ADGRG4: variants seen among roughly 807,000 people sequenced by gnomAD.
ADGRG4 encodes the protein G protein-coupled receptor 112.
A neutral mutation model predicts 126.2 loss-of-function variants in ADGRG4; 122 were observed. The observed-to-expected ratio is 0.97, with a 90% CI of 0.83 to 1.12. ADGRG4 has a LOEUF of 1.12. Among genes scored for constraint, ADGRG4 ranks in the 50% most tolerant of loss-of-function variants. The pLI, the probability that ADGRG4 is intolerant of heterozygous loss-of-function variation, is 0.00. For synonymous variants in ADGRG4, 943 were observed against 838.7 expected (o/e 1.12, Z -2.15); for missense variants, 2,481 against 2,251.8 (o/e 1.10, Z -2.06).
At chrX:136,324,840 G>A (rs1024016129) in intron 5 of ADGRG4, among the ~76,000 whole-genome samples, 12 of 111,650 alleles carry the variant, frequency 1.1e-4, no homozygotes, top group East Asian at 5.6e-4. Context: ...TTACTAAGGC[G>A]TCCCTCTTCC....
At position 136,346,599 on chromosome X, in the gene ADGRG4, C is replaced by T; in HGVS notation, c.2893C>T (p.Pro965Ser). 3 of 1,209,796 alleles carry T rather than the reference C, an allele frequency of 2.5e-6. No homozygotes were observed. Among genetic ancestry groups the T allele is most frequent in the Non-Finnish European group, 2.2e-6 (2 of 894,099 alleles). Residue 965 changes from proline to serine, a missense_variant, in exon 6 of 26, where the codon CCC becomes TCC. By Grantham distance (74) the Pro-to-Ser change is moderately conservative (BLOSUM62 -1). Coordinates refer to ENST00000394143, the MANE Select transcript of ADGRG4 (RefSeq NM_153834.4). ...TSGSTHIFGE[P>S]LGASTTRISE... ...TGGGAGCACACATATATTCGGTGAA[C>T]CCCTGGGTGCTTCTACCACAAGGAT...
chrX:136,344,577 T>A lies in ADGRG4; in HGVS notation c.871T>A (p.Ser291Thr). The A allele has an allele frequency of 1.7e-6, 2 of 1,203,910 alleles. No homozygotes were observed. Among genetic ancestry groups the A allele is most frequent in the Non-Finnish European group, 2.2e-6 (2 of 889,312 alleles). Residue 291 changes from serine to threonine, a missense_variant, in exon 6 of 26, where the codon TCT (serine) becomes ACT (threonine). Physicochemically the swap from Ser to Thr is moderately conservative, Grantham distance 58. Transcript: ENST00000394143. ...AACCATATCATATTCCAATACAACA[T>A]CTCCACCTCTGGAAACAATGACTGC... ...YTTISYSNTT[S>T]PPLETMTAQK...
At chrX:136,413,532 C>G (rs1175604193) in intron 24 of ADGRG4, among the ~76,000 whole-genome samples, 1 of 110,945 alleles carries the variant, frequency 9.0e-6, no homozygotes, top group African/African-American at 3.3e-5. Context: ...ACAAACAACC[C>G]CATTCCCCAC....
rs1344683248 is a variant in ADGRG4, at chrX:136,349,538, A to T, written c.5832A>T (p.Gly1944=). Residue 1944 remains glycine (G), a synonymous_variant, in exon 6 of 26, where the codon GGA becomes GGT. Transcript: ENST00000394143. ...CAATGTCATCAATTCCTATGTCAGG[A>T]ATTCTTCCTAACCATGGGCTTTCTG... ...VMAMSSIPMS[G]ILPNHGLSEN... 1.9e-5 allele frequency: 23 copies of T among 1,208,793 alleles called. No individual in the cohort carries two copies. The highest frequency in any genetic ancestry group is 2.5e-5 in the Non-Finnish European group (22 of 893,190).
intron 16 of ADGRG4, among the ~76,000 whole-genome samples, chrX:136,390,321 G>A (rs1431206469): frequency 9.0e-6 from 1 of 111,580 alleles, no homozygotes; most frequent in Non-Finnish European, 1.9e-5. Context: ...CAAAGCGTTA[G>A]GTTTACAGGC....
At position 136,349,525 on chromosome X, in the gene ADGRG4, T is replaced by C. The variant is rs1361068414; in HGVS notation, c.5819T>C (p.Ile1940Thr). Residue 1940 changes from isoleucine to threonine, a missense_variant, in exon 6 of 26, where the codon ATT becomes ACT. Transcript: ENST00000394143. ...VSKDVMAMSS[I>T]PMSGILPNHG... ...AAAGATGTCATGGCAATGTCATCAATTCCTATGTCAGGAATTCTTCCTAAC... is the reference window on the plus strand; with the variant it reads ...AAAGATGTCATGGCAATGTCATCAACTCCTATGTCAGGAATTCTTCCTAAC... 1 of 1,206,171 alleles carries C rather than the reference T, an allele frequency of 8.3e-7. No individual in the cohort carries two copies. The highest frequency in any genetic ancestry group is 1.1e-6 in the Non-Finnish European group (1 of 892,006).
chrX:136,334,460 G>C (rs1411303442), intron 5 of ADGRG4, among the ~76,000 whole-genome samples: 3 of 111,597 alleles, frequency 2.7e-5, no homozygotes, highest in Non-Finnish European at 5.7e-5. Flanking sequence ...AAAAATTTTA[G>C]ACTATGCTTG....
chrX:136,356,832 T>G (rs1272884610), intron 9 of ADGRG4, among the ~76,000 whole-genome samples: 1 of 111,348 alleles, frequency 9.0e-6, no homozygotes, highest in Non-Finnish European at 1.9e-5. Context: ...ACCCCATCTC[T>G]ACAAAAAATA....
chrX:136,302,465 A>G (rs1053090275), intron 1 of ADGRG4, among the ~76,000 whole-genome samples: 3 of 112,160 alleles, frequency 2.7e-5, no homozygotes, highest in Non-Finnish European at 5.6e-5. Context: ...TTATACACCA[A>G]TAACAGACAA....
chrX:136,366,363 T>G (rs1168808841), intron 13 of ADGRG4, among the ~76,000 whole-genome samples: 1 of 112,417 alleles, frequency 8.9e-6, no homozygotes, highest in African/African-American at 3.2e-5. Context: ...TTTCATGGCT[T>G]GGCAGCTCAT....
chrX:136,405,490 A>G (rs2075400854), intron 22 of ADGRG4, among the ~76,000 whole-genome samples: 1 of 111,457 alleles, frequency 9.0e-6, no homozygotes, highest in African/African-American at 3.3e-5. Context: ...TTAGTGTTGG[A>G]AAGAACCCTG....
Position 136,307,691 on chromosome X carries a change from C to T in ADGRG4, c.-9-1078C>T, listed in dbSNP as rs138451663. ...AGGTAGAAAGAAATACAATACGTTG[C>T]ATTATCCTATAGAAAAAGAAATGTT... On this transcript the variant is annotated intron_variant, in intron 3 of 25. Transcript: ENST00000394143. 3.6e-5 allele frequency among the ~76,000 whole-genome samples: 4 copies of T among 112,590 alleles called. No homozygotes were observed. In the East Asian group the frequency reaches 1.1e-3, roughly 31 times the overall value.
chrX:136,318,239 C>T (rs186089898), intron 4 of ADGRG4, among the ~76,000 whole-genome samples: 1 of 111,941 alleles, frequency 8.9e-6, no homozygotes, highest in East Asian at 2.8e-4. Context: ...ACACATGGTA[C>T]AACATGGATG....
intron 8 of ADGRG4, among the ~76,000 whole-genome samples, chrX:136,354,308 T>A (rs2075080630): frequency 8.9e-6 from 1 of 111,737 alleles, no homozygotes; most frequent in Non-Finnish European, 1.9e-5. Flanking sequence ...TTCCGGAGGC[T>A]GGGAAGTCCA....
intron 11 of ADGRG4, among the ~76,000 whole-genome samples, chrX:136,360,594 T>A (rs1196679417): frequency 9.0e-6 from 1 of 110,539 alleles, no homozygotes; most frequent in African/African-American, 3.3e-5. Context: ...AATAAAAAAT[T>A]AGCTGGACAT....
intron 8 of ADGRG4, among the ~76,000 whole-genome samples, chrX:136,355,477 T>G: frequency 9.0e-6 from 1 of 111,698 alleles, no homozygotes; most frequent in Admixed American, 9.5e-5. Context: ...GTGTCTATTA[T>G]TTTTCCTTAT....
Position 136,371,372 on chromosome X carries a change from G to T in ADGRG4, c.7441G>T (p.Glu2481Ter). ...VAEHILNLINESPALGKEETK... is the reference protein window; with the variant it reads ...VAEHILNLIN ...AGAGCATATTTTAAATTTGATAAAT[G>T]AATCCCCAGCCCTGGGTAAAGAAGA... Residue 2481 changes from glutamate to a stop codon, truncating the protein, a stop_gained, in exon 14 of 26, where the codon GAA (glutamate) becomes TAA (stop). Coordinates refer to ENST00000394143, the MANE Select transcript of ADGRG4 (RefSeq NM_153834.4). LOFTEE classifies it high-confidence loss of function. 8.4e-7 allele frequency: 1 copy of T among 1,196,879 alleles called. No individual in the cohort carries two copies. Among genetic ancestry groups the T allele is most frequent in the South Asian group, 1.8e-5 (1 of 54,341 alleles).
chrX:136,335,363 T>C (rs2074942740), intron 5 of ADGRG4, among the ~76,000 whole-genome samples: 1 of 109,349 alleles, frequency 9.1e-6, no homozygotes, highest in Non-Finnish European at 1.9e-5. Context: ...TTTTACTGTC[T>C]CTGATTTCAG....
chrX:136,310,838 A>G (rs1265877410), intron 4 of ADGRG4, among the ~76,000 whole-genome samples: 1 of 111,973 alleles, frequency 8.9e-6, no homozygotes, highest in Non-Finnish European at 1.9e-5. Flanking sequence ...GTAAAAAATA[A>G]GGCATAAATG....
Sources: gnomAD v4.1 joint callset for allele counts (sites outside exome capture counted in the v4.1 genomes callset) on GRCh38, gnomAD v4.1.1 for gene constraint, MANE v1.5 for transcripts, NCBI Gene and HGNC (gene_info 2026-07-23, HGNC 2026-07-21) for gene names.